Variants in FAM118B observed in about 807,000 individuals in gnomAD.
The protein encoded by FAM118B is SIR2 antiphage like 1.
In FAM118B, 24 loss-of-function variants were observed where a neutral mutation model predicts 38.5. The observed-to-expected ratio is 0.62, with a 90% CI of 0.45 to 0.88. FAM118B has a LOEUF of 0.88. Ranked by LOEUF, FAM118B falls within the 40% of genes least tolerant of loss-of-function variation. FAM118B has a pLI of 0.00. For missense variants in FAM118B, 334 were observed against 420.0 expected (o/e 0.80, Z 1.79); for synonymous variants, 138 against 156.3 (o/e 0.88, Z 0.87).
At chr11:126,218,412 C>T (rs1222675616) in intron 1 of FAM118B, among the ~76,000 whole-genome samples, 1 of 152,230 alleles carries the variant, frequency 6.6e-6, no homozygotes, top group Non-Finnish European at 1.5e-5. Flanking sequence ...AGACCCCCAT[C>T]TCACTTCCCT....
intron 1 of FAM118B, among the ~76,000 whole-genome samples, chr11:126,212,509 G>C (rs1271361534): frequency 6.6e-6 from 1 of 152,174 alleles, no homozygotes; most frequent in African/African-American, 2.4e-5. Flanking sequence ...TCACTCAGGG[G>C]TGGCTGGGAA....
intron 3 of FAM118B, among the ~76,000 whole-genome samples, chr11:126,240,418 A>T (rs547068129): frequency 6.6e-6 from 1 of 152,246 alleles, no homozygotes; most frequent in East Asian, 1.9e-4. Context: ...GTACAAATCA[A>T]ACGTCTTCTT....
At chr11:126,237,411 T>A (rs1038332540) in intron 3 of FAM118B, among the ~76,000 whole-genome samples, 1 of 117,486 alleles carries the variant, frequency 8.5e-6, no homozygotes, top group Admixed American at 8.3e-5. Flanking sequence ...TATTTATTTA[T>A]TTTTTAAATA....
chr11:126,236,686 A>AT (rs1375207464), intron 3 of FAM118B, among the ~76,000 whole-genome samples: 1 of 150,950 alleles, frequency 6.6e-6, no homozygotes, highest in Non-Finnish European at 1.5e-5. Flanking sequence ...TCTATTCCAC[A>AT]TTTTTTTAAA....
chr11:126,227,391 TCCTA>T (rs1435767787), intron 1 of FAM118B, among the ~76,000 whole-genome samples: 1 of 152,184 alleles, frequency 6.6e-6, no homozygotes, highest in Non-Finnish European at 1.5e-5. Context: ...CTTCTTTAGT[TCCTA>T]CTCTGATAAC....
At chr11:126,233,639 C>T in intron 2 of FAM118B, 2 of 430,692 alleles carry the variant, frequency 4.6e-6, no homozygotes, top group Non-Finnish European at 9.1e-6. Context: ...TACTTCCTAA[C>T]TCACTACTGT....
intron 7 of FAM118B, chr11:126,261,121 G>T: frequency 3.1e-6 from 1 of 320,168 alleles, no homozygotes; most frequent in Non-Finnish European, 5.9e-6. Flanking sequence ...CCTCTAGACT[G>T]TTTAGGGACA....
At position 126,256,931 on chromosome 11, in the gene FAM118B, A is replaced by C. The variant is rs1950587815; in HGVS notation, c.982+79A>C. The C allele has an allele frequency of 7.2e-7, 1 of 1,397,728 alleles. No homozygotes were observed. Among genetic ancestry groups the C allele is most frequent in the Non-Finnish European group, 9.8e-7 (1 of 1,024,122 alleles). The allele number at this position is 1,397,728 out of a possible 1,614,324, so 86.6% of individuals were successfully genotyped here. A position where few individuals can be genotyped will look rare whatever the true frequency, so the allele number is the denominator to read the frequency against. ...TTTGTGTATTTGTGATGTGATGGGC[A>C]AAATAGTTGCCAAGATGAGGAATGT... On this transcript the variant is annotated intron_variant, in intron 7 of 8. Transcript: ENST00000533050. This position sits in a 1 kb window ranked among gnomAD's most constrained non-coding sequence, Gnocchi z 6.6.
intron 7 of FAM118B, among the ~76,000 whole-genome samples, chr11:126,259,213 GT>G (rs1231645875): frequency 6.6e-6 from 1 of 152,108 alleles, no homozygotes; most frequent in Non-Finnish European, 1.5e-5. Context: ...CTAATGAGAG[GT>G]TACAGGTCTT....
chr11:126,212,601 G>A (rs990138647), intron 1 of FAM118B, among the ~76,000 whole-genome samples: 1 of 152,200 alleles, frequency 6.6e-6, no homozygotes, highest in Non-Finnish European at 1.5e-5. Context: ...CTTATGCTGA[G>A]TTCAGAAAGA....
intron 1 of FAM118B, among the ~76,000 whole-genome samples, chr11:126,212,318 G>A (rs10790793): frequency 0.15 from 22,093 of 152,124 alleles, 2,662 homozygotes; most frequent in East Asian, 0.64. Context: ...ATTTCTTGGG[G>A]GTCTCCTCCC....
At chr11:126,240,541 G>A (rs1009120096) in intron 3 of FAM118B, among the ~76,000 whole-genome samples, 2 of 152,134 alleles carry the variant, frequency 1.3e-5, no homozygotes, top group Non-Finnish European at 2.9e-5. Flanking sequence ...GAGAGGACTA[G>A]GAAGGGAAAA....
chr11:126,220,270 C>G (rs954346089), intron 1 of FAM118B, among the ~76,000 whole-genome samples: 1 of 152,186 alleles, frequency 6.6e-6, no homozygotes, highest in Non-Finnish European at 1.5e-5. Context: ...TCTGGCTGCT[C>G]CCTGAGAGTC....
chr11:126,236,411 C>T (rs1431869867), intron 3 of FAM118B, among the ~76,000 whole-genome samples: 1 of 152,216 alleles, frequency 6.6e-6, no homozygotes, highest in Non-Finnish European at 1.5e-5. Flanking sequence ...AAAATAGCCA[C>T]TCTGTTCTGA....
intron 7 of FAM118B, among the ~76,000 whole-genome samples, chr11:126,260,188 A>G (rs1310771747): frequency 2.0e-5 from 3 of 151,678 alleles, no homozygotes; most frequent in African/African-American, 2.4e-5. Context: ...ACATACCACA[A>G]TGCCCAGCTA....
At chr11:126,242,024 CAAAAAA>C (rs60865966) in intron 4 of FAM118B, among the ~76,000 whole-genome samples, 1 of 88,416 alleles carries the variant, frequency 1.1e-5, no homozygotes. Context: ...GACTCCGTCT[CAAAAAA>C]AAAAAAAAAA....
intron 1 of FAM118B, among the ~76,000 whole-genome samples, chr11:126,220,528 A>T (rs1470012599): frequency 6.6e-6 from 1 of 152,116 alleles, no homozygotes; most frequent in Non-Finnish European, 1.5e-5. Context: ...AGCCTGGTCA[A>T]CATAGCAAGA....
intron 8 of FAM118B, 135 bp from the exon 9 acceptor site, chr11:126,261,985 A>T (rs1467708823): frequency 1.2e-6 from 1 of 839,500 alleles, no homozygotes; most frequent in Non-Finnish European, 1.9e-6. Context: ...ATAAAATTTT[A>T]AATAAATTAC....
rs1057450046 is a variant in FAM118B at position 126,253,559 on chromosome 11, T to C, written c.568-746T>C. Reference sequence around the variant, plus strand: ...TGTACAAGTAATGGCCGTGAAACTTTGTGGCTTGTAACAACAAATATCTTA... The same window carrying C: ...TGTACAAGTAATGGCCGTGAAACTTCGTGGCTTGTAACAACAAATATCTTA... On this transcript the variant is annotated intron_variant, in intron 5 of 8. Coordinates refer to ENST00000533050, the MANE Select transcript of FAM118B (RefSeq NM_024556.4). The surrounding 1 kb of genome is among the most constrained non-coding windows in gnomAD (Gnocchi z 5.1). 2.6e-5 allele frequency among the ~76,000 whole-genome samples: 4 copies of C among 152,216 alleles called. No individual in the cohort carries two copies. The highest frequency in any genetic ancestry group is 9.6e-5 in the African/African-American group (4 of 41,462).
Sources: allele counts gnomAD v4.1 joint callset (sites outside exome capture counted in the v4.1 genomes callset), GRCh38; gene constraint gnomAD v4.1.1; non-coding constraint Gnocchi (gnomAD v3.1); transcripts MANE v1.5; gene names NCBI Gene and HGNC (gene_info 2026-07-23, HGNC 2026-07-21).